Variants in KANSL1L observed in about 807,000 individuals in gnomAD.
KANSL1L encodes the protein KAT8 regulatory NSL complex subunit 1 like.
In KANSL1L, 25 loss-of-function variants were observed where a neutral mutation model predicts 108.6. That is an observed-to-expected ratio of 0.23 (90% CI 0.17 to 0.32). The LOEUF is 0.32. Among genes scored for constraint, KANSL1L ranks in the 10% least tolerant of loss-of-function variants. The pLI is 1.00. For missense variants in KANSL1L, 1,137 were observed against 1,125.7 expected (o/e 1.01, Z -0.14); for synonymous variants, 405 against 395.1 (o/e 1.03, Z -0.30).
At chr2:210,168,146 C>T (rs1159595753) in intron 1 of KANSL1L, among the ~76,000 whole-genome samples, 1 of 151,998 alleles carries the variant, frequency 6.6e-6, no homozygotes, top group Non-Finnish European at 1.5e-5. Context: ...GAGAGATATG[C>T]TTTAAAATTA....
chr2:210,031,340 TC>T, intron 9 of KANSL1L, 80 bp downstream of exon 9: 2 of 946,276 alleles, frequency 2.1e-6, no homozygotes, highest in Non-Finnish European at 3.2e-6. Flanking sequence ...GATTATAAAC[TC>T]CCATGAGAGG....
upstream of KANSL1L, among the ~76,000 whole-genome samples, chr2:210,172,372 T>C (rs915114570): frequency 6.6e-6 from 1 of 152,234 alleles, no homozygotes; most frequent in Non-Finnish European, 1.5e-5. Context: ...ATTTTAACCT[T>C]ATCAATTGGA....
At chr2:210,151,390 A>G (rs763728471) in intron 2 of KANSL1L, 1 of 152,216 alleles carries the variant, frequency 6.6e-6, no homozygotes, top group Admixed American at 6.5e-5. Flanking sequence ...TCAACAACAA[A>G]AAAATTTACT....
upstream of KANSL1L, chr2:210,171,735 A>T (rs1377379529): frequency 6.6e-6 from 1 of 151,462 alleles, no homozygotes; most frequent in Non-Finnish European, 1.5e-5. Context: ...GAAAAACAAA[A>T]CCCTGAGGAA....
chr2:210,123,185 T>C (rs940805964), intron 3 of KANSL1L, among the ~76,000 whole-genome samples: 1 of 152,158 alleles, frequency 6.6e-6, no homozygotes, highest in African/African-American at 2.4e-5. Flanking sequence ...CTCCTAGGCA[T>C]ATACCCAAAG....
chr2:210,040,420 C>A lies in KANSL1L; in HGVS notation c.2029G>T (p.Val677Leu). ...TACAAGAACTGTAAATGTGACATAC[C>A]AGGTGATGGAGATATGATATATTCA... is the stretch of plus-strand genomic sequence containing the variant. Reference protein sequence around the residue: ...VDEYIISPSPVHSTLNQWRNG... With the variant: ...VDEYIISPSPLHSTLNQWRNG... The change falls in exon 8 of 15, where the codon GTA becomes TTA. Residue 677 changes from valine to leucine, a missense_variant and splice_region_variant. This residue lies in a region of KANSL1L where 575 missense variants were observed against 567.1 expected (regional missense o/e 1.01). Transcript: ENST00000281772. The A allele has an allele frequency of 7.6e-7, 1 of 1,312,478 alleles. No individual in the cohort carries two copies. Among genetic ancestry groups the A allele is most frequent in the Non-Finnish European group, 1.1e-6 (1 of 908,072 alleles). 81.3% of individuals were successfully genotyped at this position (1,312,478 alleles called of 1,614,324 possible). A position where few individuals can be genotyped will look rare whatever the true frequency, so the allele number is the denominator to read the frequency against.
At chr2:210,113,490 G>A (rs371759036) in intron 3 of KANSL1L, among the ~76,000 whole-genome samples, 1 of 151,712 alleles carries the variant, frequency 6.6e-6, no homozygotes, top group Non-Finnish European at 1.5e-5. Flanking sequence ...CATTATTAGA[G>A]TCAAATGTCC....
intron 6 of KANSL1L, among the ~76,000 whole-genome samples, chr2:210,049,623 A>G (rs575980188): frequency 3.9e-4 from 59 of 152,154 alleles, no homozygotes; most frequent in Non-Finnish European, 6.5e-4. Context: ...TTTCAATAAA[A>G]TGATTTTGTT....
chr2:210,118,166 CA>C (rs34675432), intron 3 of KANSL1L, among the ~76,000 whole-genome samples: 3,053 of 98,902 alleles, frequency 0.031, 60 homozygotes, highest in African/African-American at 0.077. Flanking sequence ...AACTCCATCT[CA>C]AAAAAAAAAA....
chr2:210,147,668 G>A (rs1047093850), intron 2 of KANSL1L, among the ~76,000 whole-genome samples: 6 of 152,044 alleles, frequency 3.9e-5, no homozygotes, highest in Non-Finnish European at 7.4e-5. Context: ...TCTCATCTAT[G>A]TCAGACATGC....
chr2:210,093,789 T>C (rs1326224085), intron 5 of KANSL1L, among the ~76,000 whole-genome samples: 1 of 152,180 alleles, frequency 6.6e-6, no homozygotes, highest in Non-Finnish European at 1.5e-5. Context: ...TCCATGTTAA[T>C]AGCAGCCTTA....
intron 3 of KANSL1L, among the ~76,000 whole-genome samples, chr2:210,115,799 T>C (rs911960274): frequency 3.9e-5 from 6 of 152,138 alleles, no homozygotes; most frequent in African/African-American, 1.4e-4. Flanking sequence ...AATCCCAATA[T>C]CTACCCCCAA....
At chr2:210,046,588 G>T (rs73063924) in intron 6 of KANSL1L, among the ~76,000 whole-genome samples, 7 of 151,934 alleles carry the variant, frequency 4.6e-5, no homozygotes, top group Non-Finnish European at 8.8e-5. Flanking sequence ...AAACCTGAAG[G>T]CTCCAGAATA....
chr2:210,136,401 G>A (rs765605979), intron 2 of KANSL1L, among the ~76,000 whole-genome samples: 42 of 152,064 alleles, frequency 2.8e-4, no homozygotes, highest in Non-Finnish European at 5.6e-4. Flanking sequence ...CTGTAAAATA[G>A]TCTTAAATAT....
At chr2:210,029,631 TTAAAAA>T (rs1311354960) in intron 10 of KANSL1L, among the ~76,000 whole-genome samples, 166 bp downstream of exon 10, 4 of 151,342 alleles carry the variant, frequency 2.6e-5, no homozygotes, top group Admixed American at 6.6e-5. Flanking sequence ...AGCTTCATAG[TTAAAAA>T]TAAGTTGTAT....
Position 210,028,759 on chromosome 2 carries a change from T to C in KANSL1L, c.2396+86A>G, listed in dbSNP as rs1320473184. The C allele has an allele frequency of 2.9e-6, 3 of 1,022,360 alleles. No homozygotes were observed. The African/African-American group carries it at 4.9e-5, about 17-fold the overall frequency. 63.3% of individuals were successfully genotyped at this position (1,022,360 alleles called of 1,614,324 possible). ...GAAGGAACTGGGAGAAGGATGCTCC[T>C]TTCATTAATTAAAATTCTTCACTTT... On this transcript the variant is annotated intron_variant, in intron 11 of 14. Coordinates refer to ENST00000281772, the MANE Select transcript of KANSL1L (RefSeq NM_152519.4).
rs1171773112 is a variant in KANSL1L at position 210,171,284 on chromosome 2, GCTCCCGCCCCGGCCGCCGCCGCCGCC to G, written c.-191_-166del. 8 of 165,168 alleles carry G rather than the reference GCTCCCGCCCCGGCCGCCGCCGCCGCC, an allele frequency of 4.8e-5. No individual in the cohort carries two copies. Among genetic ancestry groups the G allele is most frequent in the Non-Finnish European group, 7.1e-5 (6 of 84,524 alleles). 10.2% of individuals were successfully genotyped at this position (165,168 alleles called of 1,614,324 possible). Reference sequence around the variant, plus strand: ...CTGACTCGTCTCCAGAGCGCGCCCCGCTCCCGCCCCGGCCGCCGCCGCCGCCGCCGCCGCCGCCGCCGCCGCCGCCG... The same window carrying G: ...CTGACTCGTCTCCAGAGCGCGCCCCGGCCGCCGCCGCCGCCGCCGCCGCCG... On this transcript the variant is annotated 5_prime_UTR_variant, in exon 1 of 15. Coordinates refer to ENST00000281772, the MANE Select transcript of KANSL1L (RefSeq NM_152519.4).
At chr2:210,114,602 TTCTACATGATTTAAATAACTAG>T (rs2094937187) in intron 3 of KANSL1L, among the ~76,000 whole-genome samples, 1 of 152,180 alleles carries the variant, frequency 6.6e-6, no homozygotes, top group African/African-American at 2.4e-5. Context: ...ACTCCTTGCT[TTCTACATGATTTAAATAACTAG>T]TACATTAAAA....
intron 5 of KANSL1L, among the ~76,000 whole-genome samples, chr2:210,077,373 A>G (rs2094550083): frequency 6.6e-6 from 1 of 152,162 alleles, no homozygotes; most frequent in Non-Finnish European, 1.5e-5. Flanking sequence ...TTTAGGGTAT[A>G]ATGCTTCTCT....
Sources: gnomAD v4.1 joint callset for allele counts (sites outside exome capture counted in the v4.1 genomes callset) on GRCh38, gnomAD v4.1.1 for gene constraint, gnomAD v4.1.1 regional missense constraint, MANE v1.5 for transcripts, NCBI Gene and HGNC (gene_info 2026-07-23, HGNC 2026-07-21) for gene names.